WWC2: variants seen among roughly 807,000 people sequenced by gnomAD.
The protein encoded by WWC2 is protein WWC2.
In WWC2, 101 loss-of-function variants were observed where a neutral mutation model predicts 138.5. That is an observed-to-expected ratio of 0.73 (90% CI 0.62 to 0.86). The LOEUF (loss-of-function observed/expected upper bound fraction) is 0.86. Ranked by LOEUF, WWC2 falls within the 40% of genes least tolerant of loss-of-function variation. The probability of loss-of-function intolerance (pLI) is 0.00; values close to 1 mark genes in which losing one functional copy is unlikely to be tolerated. For synonymous variants in WWC2, 558 were observed against 538.4 expected (o/e 1.04, Z -0.50); for missense variants, 1,420 against 1,419.4 (o/e 1.00, Z -0.01).
intron 14 of WWC2, among the ~76,000 whole-genome samples, chr4:183,267,490 A>G (rs1050275827): frequency 6.6e-6 from 1 of 152,224 alleles, no homozygotes; most frequent in African/African-American, 2.4e-5. Flanking sequence ...AGACAAGTCT[A>G]CCAGAGACTG....
intron 6 of WWC2, among the ~76,000 whole-genome samples, chr4:183,247,477 ATATATATAC>A (rs1164316760): frequency 6.9e-6 from 1 of 145,624 alleles, no homozygotes; most frequent in Admixed American, 6.9e-5. Flanking sequence ...TTATCCTCAT[ATATATATAC>A]TATATATACT....
At chr4:183,119,775 G>A (rs1021248461) in intron 1 of WWC2, among the ~76,000 whole-genome samples, 1 of 152,138 alleles carries the variant, frequency 6.6e-6, no homozygotes, top group African/African-American at 2.4e-5. Flanking sequence ...TATTGGAGAT[G>A]GATATTCATT....
intron 18 of WWC2, among the ~76,000 whole-genome samples, chr4:183,283,631 G>A (rs1738152787): frequency 6.6e-6 from 1 of 152,134 alleles, no homozygotes; most frequent in African/African-American, 2.4e-5. Flanking sequence ...TGCCTACTGA[G>A]TTTGTATTTT....
chr4:183,260,727 C>T (rs1737295384), intron 10 of WWC2, among the ~76,000 whole-genome samples, 183 bp from the exon 11 acceptor site: 1 of 152,206 alleles, frequency 6.6e-6, no homozygotes, highest in African/African-American at 2.4e-5. Flanking sequence ...ATGCATTTCT[C>T]AGAACTAGAC....
At chr4:183,225,667 G>A (rs531237996) in intron 4 of WWC2, among the ~76,000 whole-genome samples, 1 of 152,264 alleles carries the variant, frequency 6.6e-6, no homozygotes, top group South Asian at 2.1e-4. Context: ...GCCTTTAGTC[G>A]TTCATTCATT....
At chr4:183,237,183 TAGTTA>T (rs1441440404) in intron 4 of WWC2, among the ~76,000 whole-genome samples, 32 of 152,214 alleles carry the variant, frequency 2.1e-4, no homozygotes, top group Admixed American at 6.5e-5. Flanking sequence ...TTCACTTCTT[TAGTTA>T]AGTTAATTCC....
intron 1 of WWC2, among the ~76,000 whole-genome samples, chr4:183,157,644 G>A (rs1172623463): frequency 6.6e-6 from 1 of 152,102 alleles, no homozygotes; most frequent in Non-Finnish European, 1.5e-5. Context: ...GGCATTACAG[G>A]TGCATGCCAC....
At chr4:183,177,614 T>C (rs1342164189) in intron 1 of WWC2, among the ~76,000 whole-genome samples, 2 of 152,118 alleles carry the variant, frequency 1.3e-5, no homozygotes, top group African/African-American at 4.8e-5. Flanking sequence ...AAGCAGACTA[T>C]AATAGAAACT....
intron 1 of WWC2, among the ~76,000 whole-genome samples, chr4:183,136,411 GTTATATC>G (rs1733117200): frequency 1.3e-5 from 2 of 152,134 alleles, no homozygotes; most frequent in South Asian, 4.1e-4. Flanking sequence ...TTTAATTTTA[GTTATATC>G]TTATTTCTGG....
At chr4:183,164,463 CAGAA>C (rs1388591796) in intron 1 of WWC2, among the ~76,000 whole-genome samples, 15 of 147,338 alleles carry the variant, frequency 1.0e-4, no homozygotes, top group Non-Finnish European at 2.1e-4. Flanking sequence ...AGTAGTGGCA[CAGAA>C]AGAAGAGATT....
rs4862155 is a variant in WWC2, at chr4:183,315,715, G to A, written c.3565G>A (p.Ala1189Thr). 98,272 of 1,611,832 alleles carry A rather than the reference G, an allele frequency of 0.061. 3,299 individuals are homozygous for A. The highest frequency in any genetic ancestry group is 0.089 in the South Asian group (8,088 of 90,816). The change falls in exon 23 of 23, where the codon GCT (alanine) becomes ACT (threonine). Residue 1189 changes from alanine (A) to threonine (T), a missense_variant. Coordinates refer to ENST00000403733, the MANE Select transcript of WWC2 (RefSeq NM_024949.6). ...AAAGATAAGCATCCCATCCCTGCCAGCTGATGATGTGTGATTACATGACTT... is the reference window on the plus strand; with the variant it reads ...AAAGATAAGCATCCCATCCCTGCCAACTGATGATGTGTGATTACATGACTT... The part of the protein sequence containing the change: ...RAKISIPSLP[A>T]DDV
chr4:183,104,426 C>A (rs944902930), intron 1 of WWC2, among the ~76,000 whole-genome samples: 1 of 152,080 alleles, frequency 6.6e-6, no homozygotes, highest in Admixed American at 6.6e-5. Flanking sequence ...AACTGACTTT[C>A]CAGTTATATT....
At chr4:183,207,827 A>G in intron 2 of WWC2, 126 bp from the exon 3 acceptor site, 1 of 803,366 alleles carries the variant, frequency 1.2e-6, no homozygotes, top group Non-Finnish European at 1.9e-6. Flanking sequence ...TGGAGAAGTC[A>G]CTCCAGCACA....
intron 1 of WWC2, among the ~76,000 whole-genome samples, chr4:183,147,503 A>G (rs1342670841): frequency 1.3e-5 from 2 of 152,194 alleles, no homozygotes; most frequent in Admixed American, 6.5e-5. Context: ...CTCTGTTGTT[A>G]TTGTAGATTT....
At chr4:183,124,534 C>CTTTTTTTTTTT (rs1732699153) in intron 1 of WWC2, among the ~76,000 whole-genome samples, 1 of 140,888 alleles carries the variant, frequency 7.1e-6, no homozygotes, top group African/African-American at 2.7e-5. Context: ...TTTCCTTTTT[C>CTTTTTTTTTTT]TCTTTTTTTT....
Position 183,268,826 on chromosome 4 carries a change from G to A in WWC2, c.2208-145G>A, listed in dbSNP as rs559435639. 3.9e-4 allele frequency: 353 copies of A among 914,748 alleles called. 1 individual carries two copies. The highest frequency in any genetic ancestry group is 8.8e-4 in the Admixed American group (36 of 40,780). The allele number at this position is 914,748 out of a possible 1,614,324, so 56.7% of individuals were successfully genotyped here. A position where few individuals can be genotyped will look rare whatever the true frequency, so the allele number is the denominator to read the frequency against. On this transcript the variant is annotated intron_variant, in intron 14 of 22. Coordinates refer to ENST00000403733, the MANE Select transcript of WWC2 (RefSeq NM_024949.6). ...CAGAGCATCTATGCAGCTGAGCACG[G>A]ACCCGTGATGGCAGCAACACTTTAG... is the stretch of plus-strand genomic sequence containing the variant.
At chr4:183,137,718 C>T (rs761835417) in intron 1 of WWC2, among the ~76,000 whole-genome samples, 6 of 152,106 alleles carry the variant, frequency 3.9e-5, no homozygotes, top group Admixed American at 3.9e-4. Context: ...AGGCTTGTCT[C>T]GAACTCCTGG....
chr4:183,265,241 G>T, intron 12 of WWC2, 134 bp downstream of exon 12: 2 of 1,273,798 alleles, frequency 1.6e-6, no homozygotes. Context: ...TAAAGAAGTG[G>T]TGTGCCTGAA....
chr4:183,211,316 T>G (rs1735590050), intron 4 of WWC2, among the ~76,000 whole-genome samples: 1 of 152,202 alleles, frequency 6.6e-6, no homozygotes, highest in Non-Finnish European at 1.5e-5. Context: ...TAATCTCTAT[T>G]AAAATTAAAA....
Sources: gnomAD v4.1 joint callset for allele counts (sites outside exome capture counted in the v4.1 genomes callset) on GRCh38, gnomAD v4.1.1 for gene constraint, MANE v1.5 for transcripts, NCBI Gene and HGNC (gene_info 2026-07-23, HGNC 2026-07-21) for gene names.